The following MOB3A variants were observed in gnomAD, a reference collection of about 807,000 sequenced individuals.
MOB3A encodes MOB LAK.
A neutral mutation model predicts 17.8 loss-of-function variants in MOB3A; 17 were observed. The ratio of observed to expected loss-of-function variants is 0.95; its 90% CI spans 0.65 to 1.43. The LOEUF (loss-of-function observed/expected upper bound fraction) is 1.43. Ranked by LOEUF, MOB3A falls within the 40% of genes most tolerant of loss-of-function variation. The pLI is 0.00. For synonymous variants in MOB3A, 124 were observed against 133.2 expected, an observed-to-expected ratio of 0.93 and a Z score of 0.48; for missense variants, 333 against 310.8, an observed-to-expected ratio of 1.07 and a Z score of -0.54.
At chr19:2,076,358 G>A (rs2017407543) in intron 4 of MOB3A, among the ~76,000 whole-genome samples, 1 of 152,082 alleles carries the variant, frequency 6.6e-6, no homozygotes, top group African/African-American at 2.4e-5. Context: ...CTTGAACTCG[G>A]GAGGCGGAGG....
chr19:2,087,143 C>A (rs2017563052), intron 1 of MOB3A, among the ~76,000 whole-genome samples: 2 of 152,206 alleles, frequency 1.3e-5, no homozygotes, highest in Non-Finnish European at 2.9e-5. Flanking sequence ...AAGGCCTGCC[C>A]AGGCCCCTCT....
chr19:2,080,141 C>T (rs1480249818), intron 2 of MOB3A, among the ~76,000 whole-genome samples: 1 of 152,212 alleles, frequency 6.6e-6, no homozygotes, highest in African/African-American at 2.4e-5. Flanking sequence ...CCCCACCCTG[C>T]TCTGCTGGGT....
intron 3 of MOB3A, 140 bp from the exon 4 acceptor site, chr19:2,077,153 C>A (rs930458830): frequency 4.3e-6 from 3 of 703,374 alleles, no homozygotes; most frequent in Admixed American, 2.3e-5. Context: ...GTAATCCCAG[C>A]ACTTTGGGAG....
At chr19:2,079,170 G>A (rs1361526427) in intron 2 of MOB3A, among the ~76,000 whole-genome samples, 1 of 152,264 alleles carries the variant, frequency 6.6e-6, no homozygotes, top group Non-Finnish European at 1.5e-5. Context: ...ATTCACAGCA[G>A]AAGGTGCGCA....
rs1329241765 is a variant in MOB3A, at chr19:2,093,751, G to A, written c.-274+2475C>T. Among the ~76,000 whole-genome samples the A allele has an allele frequency of 6.6e-6, 1 of 152,236 alleles. No individual in the cohort carries two copies. The highest frequency in any genetic ancestry group is 6.5e-5 in the Admixed American group (1 of 15,276). Reference sequence around the variant, plus strand: ...AGAAAAATCAACCTGTGGAAAGAGAGGGAGCTGGGAAGGGTGCAGTGGAAC... The same window carrying A: ...AGAAAAATCAACCTGTGGAAAGAGAAGGAGCTGGGAAGGGTGCAGTGGAAC... On this transcript the variant is annotated intron_variant, in intron 1 of 4. Transcript: ENST00000357066. The surrounding 1 kb of genome is among the most constrained non-coding windows in gnomAD (Gnocchi z 4.6).
rs1302581271 is a variant in MOB3A at position 2,073,127 on chromosome 19, C to T, written c.*268G>A. On this transcript the variant is annotated 3_prime_UTR_variant, in exon 5 of 5. Coordinates refer to ENST00000357066, the MANE Select transcript of MOB3A (RefSeq NM_130807.3). ...CTGGAAAGTGGAAGTGGTTTAAAAA[C>T]ACAGTGGGCTTTTCCGGTTGCTAGT... 5.4e-6 allele frequency: 3 copies of T among 550,858 alleles called. No homozygotes were observed. In the East Asian group the frequency reaches 9.0e-5, roughly 17 times the overall value. 34.1% of individuals were successfully genotyped at this position (550,858 alleles called of 1,614,324 possible). A position where few individuals can be genotyped will look rare whatever the true frequency, so the allele number is the denominator to read the frequency against.
Position 2,082,925 on chromosome 19 carries a change from G to C in MOB3A, c.-120+2250C>G, listed in dbSNP as rs1192712002. 6.6e-6 allele frequency among the ~76,000 whole-genome samples: 1 copy of C among 152,162 alleles called. No individual in the cohort carries two copies. Among genetic ancestry groups the C allele is most frequent in the African/African-American group, 2.4e-5 (1 of 41,440 alleles). On this transcript the variant is annotated intron_variant, in intron 2 of 4. Transcript: ENST00000357066. The surrounding 1 kb of genome is among the most constrained non-coding windows in gnomAD (Gnocchi z 4.1). Reference sequence around the variant, plus strand: ...ACCTCCTAGCTCAAGGGATCCTCCTGCCTCAGCCTCCTGAGTAGCTGGGAC... The same window carrying C: ...ACCTCCTAGCTCAAGGGATCCTCCTCCCTCAGCCTCCTGAGTAGCTGGGAC...
chr19:2,094,141 G>C (rs1015082523), intron 1 of MOB3A, among the ~76,000 whole-genome samples: 1 of 151,378 alleles, frequency 6.6e-6, no homozygotes, highest in Non-Finnish European at 1.5e-5. Context: ...TCGCCTCCAG[G>C]GTTCATGCCA....
At chr19:2,090,226 GGT>G (rs2017597941) in intron 1 of MOB3A, 1 of 152,280 alleles carries the variant, frequency 6.6e-6, no homozygotes, top group Non-Finnish European at 1.5e-5. Flanking sequence ...TCCCCACCCA[GGT>G]GTCCCAGCTC....
chr19:2,091,978 C>T (rs1338213517), intron 1 of MOB3A, among the ~76,000 whole-genome samples: 3 of 139,474 alleles, frequency 2.2e-5, no homozygotes, highest in African/African-American at 5.4e-5. Flanking sequence ...GCCTGGGCGA[C>T]GAGCAAAACT....
At position 2,078,698 on chromosome 19, in the gene MOB3A, T is replaced by TCATG. The variant is rs2017450001; in HGVS notation, c.-119-23_-119-20dup. Reference sequence around the variant, plus strand: ...CGCGGACCTGAAATACACAGGGGAATCATGACCTGCTGGAGGCGACAGAAT... The same window carrying TCATG: ...CGCGGACCTGAAATACACAGGGGAATCATGCATGACCTGCTGGAGGCGACAGAAT... On this transcript the variant is annotated intron_variant, in intron 2 of 4. Transcript: ENST00000357066. 1 of 801,012 alleles carries TCATG rather than the reference T, an allele frequency of 1.2e-6. No individual in the cohort carries two copies. Among genetic ancestry groups the TCATG allele is most frequent in the Non-Finnish European group, 1.9e-6 (1 of 523,882 alleles). The allele number at this position is 801,012 out of a possible 1,614,324, so 49.6% of individuals were successfully genotyped here.
rs2017361510 is a variant in MOB3A at position 2,073,276 on chromosome 19, C to T, written c.*119G>A. 5 of 1,325,738 alleles carry T rather than the reference C, an allele frequency of 3.8e-6. No individual in the cohort carries two copies. Among genetic ancestry groups the T allele is most frequent in the Non-Finnish European group, 2.1e-6 (2 of 936,638 alleles). 82.1% of individuals were successfully genotyped at this position (1,325,738 alleles called of 1,614,324 possible). On this transcript the variant is annotated 3_prime_UTR_variant, in exon 5 of 5. Transcript: ENST00000357066. ...GACCAACACCTGCTCAGCGGCTCGG[C>T]CCCTGGTCTCCCTGAGATGCTCAGG... is the stretch of plus-strand genomic sequence containing the variant.
intron 1 of MOB3A, among the ~76,000 whole-genome samples, chr19:2,090,897 C>T (rs1014213654): frequency 6.6e-6 from 1 of 152,168 alleles, no homozygotes. Context: ...CTCCTGACCT[C>T]GTGATCCGCC....
At chr19:2,091,283 C>T (rs1159871978) in intron 1 of MOB3A, among the ~76,000 whole-genome samples, 1 of 152,138 alleles carries the variant, frequency 6.6e-6, no homozygotes, top group Non-Finnish European at 1.5e-5. Context: ...ACGGCCCGGC[C>T]ACACAGTTTT....
rs1358852308 is a variant in MOB3A, at chr19:2,093,823, AAC to A, written c.-274+2401_-274+2402del. On this transcript the variant is annotated intron_variant, in intron 1 of 4. Coordinates refer to ENST00000357066, the MANE Select transcript of MOB3A (RefSeq NM_130807.3). This position sits in a 1 kb window ranked among gnomAD's most constrained non-coding sequence, Gnocchi z 4.6. ...CCTGTGTCGTCCCTGGGGAAAGGGA[AAC>A]ACATCCAGGGGGTCCGGAGGACAGG... 1.6e-4 allele frequency among the ~76,000 whole-genome samples: 24 copies of A among 152,264 alleles called. No individual in the cohort carries two copies. The highest frequency in any genetic ancestry group is 3.3e-4 in the Admixed American group (5 of 15,290).
At position 2,072,722 on chromosome 19, in the gene MOB3A, C is replaced by T. The variant is rs1599399530; in HGVS notation, c.*673G>A. The T allele has an allele frequency of 6.6e-6, 1 of 150,776 alleles. No individual in the cohort carries two copies. The highest frequency in any genetic ancestry group is 2.1e-4 in the South Asian group (1 of 4,786). The allele number at this position is 150,776 out of a possible 1,614,324, so 9.3% of individuals were successfully genotyped here. On this transcript the variant is annotated 3_prime_UTR_variant, in exon 5 of 5. Transcript: ENST00000357066. ...GGATCACTGGAGGCCAGGAGTTCAG[C>T]GAGACCCCTGTCTCTAGTATGACCA...
chr19:2,079,980 G>A (rs1029067606), intron 2 of MOB3A, among the ~76,000 whole-genome samples: 1 of 152,236 alleles, frequency 6.6e-6, no homozygotes, highest in African/African-American at 2.4e-5. Flanking sequence ...GACAGAGACA[G>A]AGTCCATCCC....
intron 2 of MOB3A, among the ~76,000 whole-genome samples, chr19:2,080,374 A>C (rs1599405452): frequency 6.8e-6 from 1 of 147,734 alleles, no homozygotes; most frequent in East Asian, 2.0e-4. Context: ...GTACATTCCA[A>C]CCCCCACCTC....
chr19:2,091,865 C>T (rs1265233154), intron 1 of MOB3A, among the ~76,000 whole-genome samples: 4 of 148,826 alleles, frequency 2.7e-5, no homozygotes, highest in East Asian at 2.2e-4. Flanking sequence ...GGCGTGGTGG[C>T]GGGCGCCTGT....
Sources: gnomAD v4.1 joint callset for allele counts (sites outside exome capture counted in the v4.1 genomes callset) on GRCh38, gnomAD v4.1.1 for gene constraint, Gnocchi (gnomAD v3.1) non-coding constraint, MANE v1.5 for transcripts, NCBI Gene and HGNC (gene_info 2026-07-23, HGNC 2026-07-21) for gene names.